Variants in NUMB observed in about 807,000 individuals in gnomAD.
NUMB encodes the protein NUMB endocytic adaptor protein, also known as protein numb homolog.
NUMB carries 29 observed loss-of-function variants against 59.7 expected under a neutral mutation model. The observed-to-expected ratio is 0.49, with a 90% CI of 0.36 to 0.66. NUMB has a LOEUF of 0.66. Ranked by LOEUF, NUMB falls within the 30% of genes least tolerant of loss-of-function variation. The pLI, the probability that NUMB is intolerant of heterozygous loss-of-function variation, is 0.00. For missense variants in NUMB, 723 were observed against 822.0 expected, an observed-to-expected ratio of 0.88 and a Z score of 1.47; for synonymous variants, 288 against 288.2, an observed-to-expected ratio of 1.00 and a Z score of 0.01.
At chr14:73,430,069 G>C (rs1010128221) in intron 1 of NUMB, among the ~76,000 whole-genome samples, 2 of 151,874 alleles carry the variant, frequency 1.3e-5, no homozygotes, top group African/African-American at 4.8e-5. Flanking sequence ...ACCCAGGAGT[G>C]AAACTGTGGA....
intron 7 of NUMB, among the ~76,000 whole-genome samples, chr14:73,293,393 CTTTTTT>C (rs56116167): frequency 1.0e-5 from 1 of 95,572 alleles, no homozygotes; most frequent in African/African-American, 3.9e-5. Flanking sequence ...GTTTCTTTTT[CTTTTTT>C]TTTTTTTTTT....
intron 2 of NUMB, among the ~76,000 whole-genome samples, chr14:73,383,053 C>G (rs1313701579): frequency 6.6e-6 from 1 of 152,052 alleles, no homozygotes; most frequent in Non-Finnish European, 1.5e-5. Context: ...GGCTGAGGCA[C>G]AAGAATTACT....
intron 3 of NUMB, among the ~76,000 whole-genome samples, chr14:73,357,579 A>G (rs769787735): frequency 2.0e-5 from 3 of 151,764 alleles, no homozygotes; most frequent in Non-Finnish European, 4.4e-5. Context: ...CCTGGCCAAC[A>G]TGGTAAAACC....
chr14:73,325,393 G>A (rs1054709009), intron 4 of NUMB, among the ~76,000 whole-genome samples: 6 of 152,024 alleles, frequency 3.9e-5, no homozygotes, highest in African/African-American at 9.7e-5. Flanking sequence ...GTCCAAGGCC[G>A]CAGTGAGCTA....
At chr14:73,345,297 A>T (rs1892848663) in intron 4 of NUMB, among the ~76,000 whole-genome samples, 2 of 152,170 alleles carry the variant, frequency 1.3e-5, no homozygotes, top group African/African-American at 4.8e-5. Flanking sequence ...CTAAACAGTG[A>T]ATACACATGG....
At chr14:73,309,342 C>T (rs1890638953) in intron 6 of NUMB, among the ~76,000 whole-genome samples, 1 of 152,106 alleles carries the variant, frequency 6.6e-6, no homozygotes, top group Non-Finnish European at 1.5e-5. Flanking sequence ...CAATGACAGA[C>T]TGGATAAAGA....
chr14:73,372,367 A>ATATATATATATAACCTTT lies in NUMB; in HGVS notation c.-100-5387_-100-5386insAAAGGTTATATATATATA, dbSNP rs1566766630. Among the ~76,000 whole-genome samples the ATATATATATATAACCTTT allele has an allele frequency of 3.3e-3, 274 of 82,602 alleles. 4 individuals are homozygous for ATATATATATATAACCTTT. Among genetic ancestry groups the ATATATATATATAACCTTT allele is most frequent in the African/African-American group, 9.3e-3 (260 of 28,062 alleles). 54.2% of individuals were successfully genotyped at this position (82,602 alleles called of 152,430 possible). A position where few individuals can be genotyped will look rare whatever the true frequency, so the allele number is the denominator to read the frequency against. Reference sequence around the variant, plus strand: ...TTTATATATATATATATAACCTTTTATATATATATATATAAATGTGTATGT... The same window carrying ATATATATATATAACCTTT: ...TTTATATATATATATATAACCTTTTATATATATATATAACCTTTTATATATATATATAAATGTGTATGT... On this transcript the variant is annotated intron_variant, in intron 2 of 12. Coordinates refer to ENST00000555238, the MANE Select transcript of NUMB (RefSeq NM_001005743.2).
intron 2 of NUMB, among the ~76,000 whole-genome samples, chr14:73,399,693 G>A (rs1896316636): frequency 6.6e-6 from 1 of 152,180 alleles, no homozygotes. Flanking sequence ...AGCTTACAGT[G>A]AACAATGACT....
At chr14:73,338,326 G>A (rs544680703) in intron 4 of NUMB, among the ~76,000 whole-genome samples, 8 of 151,932 alleles carry the variant, frequency 5.3e-5, no homozygotes, top group Middle Eastern at 3.4e-3. Context: ...TTAACTTATC[G>A]TTCTCTTGTG....
chr14:73,283,737 C>T (rs1888794191), intron 10 of NUMB, among the ~76,000 whole-genome samples: 1 of 152,190 alleles, frequency 6.6e-6, no homozygotes, highest in Non-Finnish European at 1.5e-5. Flanking sequence ...CCTGCTGGGT[C>T]CCAATGGCAG....
At chr14:73,352,530 GTTTTTTT>G (rs71112735) in intron 4 of NUMB, among the ~76,000 whole-genome samples, 1 of 20,274 alleles carries the variant, frequency 4.9e-5, no homozygotes, top group African/African-American at 1.7e-4. Context: ...ATATATATAT[GTTTTTTT>G]TTTTTTTTTT....
chr14:73,351,037 G>A (rs1893225570), intron 4 of NUMB, among the ~76,000 whole-genome samples: 4 of 152,110 alleles, frequency 2.6e-5, no homozygotes. Flanking sequence ...GTTGGCTGAG[G>A]ATTGAAAAAT....
At chr14:73,435,024 A>G (rs921157859) in intron 1 of NUMB, among the ~76,000 whole-genome samples, 24 of 152,206 alleles carry the variant, frequency 1.6e-4, no homozygotes, top group Non-Finnish European at 3.1e-4. Flanking sequence ...ATCAATCTGC[A>G]AATTTGCCTT....
At chr14:73,386,062 T>G (rs985131999) in intron 2 of NUMB, among the ~76,000 whole-genome samples, 1 of 152,170 alleles carries the variant, frequency 6.6e-6, no homozygotes, top group African/African-American at 2.4e-5. Flanking sequence ...TATTTTTTTT[T>G]AATAGTTCAA....
intron 4 of NUMB, among the ~76,000 whole-genome samples, chr14:73,333,341 G>A (rs925861117): frequency 2.0e-5 from 3 of 152,140 alleles, no homozygotes; most frequent in Admixed American, 1.3e-4. Context: ...ATGATGTTGA[G>A]TATCCTTTCA....
chr14:73,384,233 G>A (rs1895387121), intron 2 of NUMB, among the ~76,000 whole-genome samples: 1 of 150,808 alleles, frequency 6.6e-6, no homozygotes, highest in Non-Finnish European at 1.5e-5. Context: ...GGACTATAGG[G>A]GCCCACCACC....
chr14:73,322,974 A>G lies in NUMB; in HGVS notation c.201+156T>C, dbSNP rs1423486628. The G allele has an allele frequency of 3.5e-6, 2 of 575,272 alleles. 1 individual carries two copies. The highest frequency in any genetic ancestry group is 6.1e-6 in the Non-Finnish European group (2 of 327,228). 35.6% of individuals were successfully genotyped at this position (575,272 alleles called of 1,614,324 possible). On this transcript the variant is annotated intron_variant, in intron 5 of 12. Transcript: ENST00000555238. ...CCAAAGTGCTAGGATTACAGGAGTG[A>G]GCCACCGCGCTTGGCTGAGATGCTC... is the stretch of plus-strand genomic sequence containing the variant.
At chr14:73,412,112 A>G (rs1392572748) in intron 1 of NUMB, among the ~76,000 whole-genome samples, 2 of 151,532 alleles carry the variant, frequency 1.3e-5, no homozygotes, top group Non-Finnish European at 2.9e-5. Flanking sequence ...ATTTTTTTAT[A>G]AAGACAATCT....
chr14:73,355,603 C>T (rs1243530909), intron 4 of NUMB, 23 bp downstream of exon 4: 2 of 1,605,374 alleles, frequency 1.2e-6, no homozygotes, highest in Non-Finnish European at 1.7e-6. Context: ...CACATACAGA[C>T]TTATAGAAAC....
Sources: allele counts gnomAD v4.1 joint callset (sites outside exome capture counted in the v4.1 genomes callset), GRCh38; gene constraint gnomAD v4.1.1; transcripts MANE v1.5; gene names NCBI Gene and HGNC (gene_info 2026-07-23, HGNC 2026-07-21).